The following PSMF1 variants were observed in gnomAD, a reference collection of about 807,000 sequenced individuals.
PSMF1 encodes the protein proteasome inhibitor PI31 subunit.
Under a neutral mutation model 29.3 loss-of-function variants are expected in PSMF1, and 30 were observed. That is an observed-to-expected ratio of 1.02 (90% CI 0.77 to 1.39). The LOEUF (loss-of-function observed/expected upper bound fraction) is 1.39. Ranked by LOEUF, PSMF1 falls within the 40% of genes most tolerant of loss-of-function variation. PSMF1 has a pLI of 0.00. For missense variants in PSMF1, 344 were observed against 357.5 expected (o/e 0.96, Z 0.31); for synonymous variants, 134 against 139.7 (o/e 0.96, Z 0.29).
At chr20:1,125,760 C>A in intron 2 of PSMF1, 110 bp downstream of exon 2, 3 of 1,358,708 alleles carry the variant, frequency 2.2e-6, no homozygotes, top group East Asian at 4.8e-5. Flanking sequence ...GTAGCCCTTA[C>A]CTAGTGATCC....
Position 1,163,316 on chromosome 20 carries a change from C to A in PSMF1, c.605+133C>A. 1 of 1,016,504 alleles carries A rather than the reference C, an allele frequency of 9.8e-7. No homozygotes were observed. Among genetic ancestry groups the A allele is most frequent in the Non-Finnish European group, 1.5e-6 (1 of 675,228 alleles). The allele number at this position is 1,016,504 out of a possible 1,614,324, so 63.0% of individuals were successfully genotyped here. A position where few individuals can be genotyped will look rare whatever the true frequency, so the allele number is the denominator to read the frequency against. ...GGAGGAGGCAGTTGTTGCTGAGCAGCTGAGAAAGCACTGCCACATACGCTG... is the reference window on the plus strand; with the variant it reads ...GGAGGAGGCAGTTGTTGCTGAGCAGATGAGAAAGCACTGCCACATACGCTG... On this transcript the variant is annotated intron_variant, in intron 5 of 6. Coordinates refer to ENST00000335877, the MANE Select transcript of PSMF1 (RefSeq NM_006814.5). This position sits in a 1 kb window ranked among gnomAD's most constrained non-coding sequence, Gnocchi z 6.1.
In PSMF1 at chr20:1,127,418, C is replaced by T. The variant is rs2122475299; in HGVS notation, c.283-8C>T. ...CCAGTCTCTCACTTTCTATTTTCAC[C>T]CATCTAGGAATATGGCTCACAGCAA... On this transcript the variant is annotated splice_polypyrimidine_tract_variant and splice_region_variant and intron_variant, in intron 2 of 6. Transcript: ENST00000335877. 6.3e-7 allele frequency: 1 copy of T among 1,581,338 alleles called. No individual in the cohort carries two copies. Among genetic ancestry groups the T allele is most frequent in the Non-Finnish European group, 8.7e-7 (1 of 1,150,060 alleles).
intron 4 of PSMF1, among the ~76,000 whole-genome samples, chr20:1,153,906 C>T (rs1374808713): frequency 6.6e-6 from 1 of 152,062 alleles, no homozygotes; most frequent in East Asian, 1.9e-4. Context: ...GATAAGAAAT[C>T]TGTGTTTTCT....
chr20:1,135,036 G>A (rs767609667), intron 3 of PSMF1, 85 bp from the exon 4 acceptor site: 78 of 1,416,530 alleles, frequency 5.5e-5, no homozygotes, highest in Admixed American at 2.7e-4. Flanking sequence ...CAGGGCCGCC[G>A]CCGCCGCCGT....
At chr20:1,134,431 A>G (rs1399778284) in intron 3 of PSMF1, among the ~76,000 whole-genome samples, 2 of 152,170 alleles carry the variant, frequency 1.3e-5, no homozygotes, top group African/African-American at 4.8e-5. Flanking sequence ...TGGAGAACAT[A>G]CTTTATATGA....
upstream of PSMF1, chr20:1,117,776 C>A (rs1247550570): frequency 6.6e-6 from 1 of 152,220 alleles, no homozygotes; most frequent in Non-Finnish European, 1.5e-5. Flanking sequence ...GAGCTTGAAC[C>A]AGGTTAGTGA....
In PSMF1 at chr20:1,165,978, T is replaced by C; in HGVS notation, c.*898T>C. 1 of 1,399,204 alleles carries C rather than the reference T, an allele frequency of 7.1e-7. No individual in the cohort carries two copies. Among genetic ancestry groups the C allele is most frequent in the Non-Finnish European group, 9.3e-7 (1 of 1,076,676 alleles). The allele number at this position is 1,399,204 out of a possible 1,614,324, so 86.7% of individuals were successfully genotyped here. On this transcript the variant is annotated 3_prime_UTR_variant, in exon 7 of 7. Transcript: ENST00000335877. The stretch of plus-strand genomic sequence containing the variant: ...TTTCCTGCTCTAAAGCATTTTGATG[T>C]CTCATTCTGTGTTTGGTAACCCCTA...
chr20:1,151,093 T>A (rs2086525107), intron 4 of PSMF1, among the ~76,000 whole-genome samples: 3 of 152,248 alleles, frequency 2.0e-5, no homozygotes, highest in African/African-American at 7.2e-5. Context: ...TAAAATTTGT[T>A]TTCATTCCTT....
chr20:1,120,664 C>T (rs2086075664), intron 1 of PSMF1, among the ~76,000 whole-genome samples: 1 of 152,176 alleles, frequency 6.6e-6, no homozygotes, highest in Non-Finnish European at 1.5e-5. Context: ...TGGGATGGTG[C>T]AGGGGACAGT....
rs1205348452 is a variant in PSMF1, at chr20:1,166,347, A to T, written c.*1267A>T. The T allele has an allele frequency of 1.5e-6, 2 of 1,294,258 alleles. No individual in the cohort carries two copies. The highest frequency in any genetic ancestry group is 4.9e-5 in the East Asian group (2 of 41,088). The allele number at this position is 1,294,258 out of a possible 1,614,324, so 80.2% of individuals were successfully genotyped here. The stretch of plus-strand genomic sequence containing the variant: ...TAGTCACTTCCGCTCTGCAGCTAGC[A>T]TTTCAACCATATGTGGATCCTTTCA... On this transcript the variant is annotated 3_prime_UTR_variant, in exon 7 of 7. Transcript: ENST00000335877.
chr20:1,140,453 T>A (rs2086367540), intron 4 of PSMF1, among the ~76,000 whole-genome samples: 1 of 152,166 alleles, frequency 6.6e-6, no homozygotes, highest in African/African-American at 2.4e-5. Context: ...ATCACACACC[T>A]GAGTGTAAGA....
chr20:1,144,132 A>G (rs2086418881), intron 4 of PSMF1, among the ~76,000 whole-genome samples: 1 of 152,176 alleles, frequency 6.6e-6, no homozygotes, highest in Non-Finnish European at 1.5e-5. Flanking sequence ...AAGAGGTAGT[A>G]CACTGAGAAG....
upstream of PSMF1, among the ~76,000 whole-genome samples, chr20:1,114,452 C>T (rs1479964556): frequency 6.6e-5 from 10 of 152,260 alleles, no homozygotes; most frequent in Admixed American, 5.9e-4. Flanking sequence ...GAAGAGGGAA[C>T]CAGTGTTCTG....
At position 1,165,200 on chromosome 20, in the gene PSMF1, A is replaced by G; in HGVS notation, c.*120A>G. On this transcript the variant is annotated 3_prime_UTR_variant, in exon 7 of 7. Coordinates refer to ENST00000335877, the MANE Select transcript of PSMF1 (RefSeq NM_006814.5). The stretch of plus-strand genomic sequence containing the variant: ...CAAGGGATTCTGCTCATGTGTTTGC[A>G]GACCGGCTGGGATAGCCTCCCCACC... The G allele has an allele frequency of 1.9e-6, 3 of 1,546,932 alleles. No individual in the cohort carries two copies. Among genetic ancestry groups the G allele is most frequent in the Non-Finnish European group, 2.6e-6 (3 of 1,144,798 alleles).
intron 3 of PSMF1, among the ~76,000 whole-genome samples, chr20:1,129,711 A>C (rs186220798): frequency 6.6e-6 from 1 of 152,354 alleles, no homozygotes; most frequent in East Asian, 1.9e-4. Flanking sequence ...GATGTGGAGA[A>C]ATTGGAACTC....
intron 4 of PSMF1, among the ~76,000 whole-genome samples, chr20:1,154,923 C>T (rs1024541279): frequency 6.6e-6 from 1 of 152,238 alleles, no homozygotes; most frequent in Non-Finnish European, 1.5e-5. Flanking sequence ...GCTGGGAAGG[C>T]AGCCATGTTG....
chr20:1,140,999 A>G (rs1000217071), intron 4 of PSMF1, among the ~76,000 whole-genome samples: 3 of 152,268 alleles, frequency 2.0e-5, no homozygotes, highest in Non-Finnish European at 4.4e-5. Flanking sequence ...TATGGATATT[A>G]CAGCAATAAA....
intron 4 of PSMF1, among the ~76,000 whole-genome samples, chr20:1,151,378 T>C (rs2086528711): frequency 6.6e-6 from 1 of 152,250 alleles, no homozygotes; most frequent in African/African-American, 2.4e-5. Context: ...TATTGAATTC[T>C]ACTTATGGGA....
At chr20:1,140,063 A>G (rs1416330950) in intron 4 of PSMF1, among the ~76,000 whole-genome samples, 2 of 152,208 alleles carry the variant, frequency 1.3e-5, no homozygotes, top group African/African-American at 4.8e-5. Flanking sequence ...TGAAAATCCC[A>G]GCAGGTTTTG....
Sources: gnomAD v4.1 joint callset for allele counts (sites outside exome capture counted in the v4.1 genomes callset) on GRCh38, gnomAD v4.1.1 for gene constraint, Gnocchi (gnomAD v3.1) non-coding constraint, MANE v1.5 for transcripts, NCBI Gene and HGNC (gene_info 2026-07-23, HGNC 2026-07-21) for gene names.